DCLRE1A: variants seen among roughly 807,000 people sequenced by gnomAD.
DCLRE1A encodes the protein DNA cross-link repair 1A.
In DCLRE1A, 64 loss-of-function variants were observed where a neutral mutation model predicts 91.9. The ratio of observed to expected loss-of-function variants is 0.70; its 90% CI spans 0.57 to 0.86. DCLRE1A has a LOEUF of 0.86. Among genes scored for constraint, DCLRE1A ranks in the 40% least tolerant of loss-of-function variants. DCLRE1A has a pLI of 0.00. For missense variants in DCLRE1A, 1,145 were observed against 1,213.3 expected, an observed-to-expected ratio of 0.94 and a Z score of 0.84; for synonymous variants, 416 against 431.1, an observed-to-expected ratio of 0.96 and a Z score of 0.43.
In DCLRE1A at chr10:113,835,146, G is replaced by A. The variant is rs1593067988; in HGVS notation, c.*6C>T. ...CTTAACTACTACTGAATCCTCGGAGGTATCATCAATATCCAGCTTCCAATT... is the reference window on the plus strand; with the variant it reads ...CTTAACTACTACTGAATCCTCGGAGATATCATCAATATCCAGCTTCCAATT... On this transcript the variant is annotated 3_prime_UTR_variant, in exon 9 of 9. Coordinates refer to ENST00000361384, the MANE Select transcript of DCLRE1A (RefSeq NM_014881.5). 3.7e-6 allele frequency: 6 copies of A among 1,612,138 alleles called. No individual in the cohort carries two copies. The highest frequency in any genetic ancestry group is 1.7e-4 in the Middle Eastern group (1 of 6,054).
At chr10:113,837,975 T>C (rs1845389119) in intron 7 of DCLRE1A, among the ~76,000 whole-genome samples, 2 of 152,156 alleles carry the variant, frequency 1.3e-5, no homozygotes, top group Admixed American at 6.5e-5. Context: ...AATCCATAGT[T>C]TCAAAGACTT....
At chr10:113,836,565 A>G (rs1845365872) in intron 8 of DCLRE1A, among the ~76,000 whole-genome samples, 1 of 152,146 alleles carries the variant, frequency 6.6e-6, no homozygotes, top group Non-Finnish European at 1.5e-5. Context: ...TATTTTCAGT[A>G]TACTAGGGTC....
chr10:113,846,530 A>G lies in DCLRE1A; in HGVS notation c.2259+672T>C, dbSNP rs372353230. The stretch of plus-strand genomic sequence containing the variant: ...GGAGTACTACTTCTATTATGATACC[A>G]ATCCCAATATGGCATTATTTATGAA... On this transcript the variant is annotated intron_variant, in intron 3 of 8. Transcript: ENST00000361384. Among the ~76,000 whole-genome samples, 358 of 152,198 alleles carry G rather than the reference A, an allele frequency of 2.4e-3. 1 individual carries two copies. Among genetic ancestry groups the G allele is most frequent in the African/African-American group, 7.9e-3 (326 of 41,504 alleles).
At position 113,849,881 on chromosome 10, in the gene DCLRE1A, C is replaced by A; in HGVS notation, c.1224G>T (p.Val408=). Residue 408 remains valine (V), a synonymous_variant, in exon 2 of 9, where the codon GTG becomes GTT. Coordinates refer to ENST00000361384, the MANE Select transcript of DCLRE1A (RefSeq NM_014881.5). ...TCCCTGCCAATGCAGGTGGAAACAA[C>A]ACAAAATCACCACCAGTACATGCCA... is the stretch of plus-strand genomic sequence containing the variant. The part of the protein sequence containing the change: ...YDLACTGGDF[V]LFPPALAGKL... 1 of 1,613,964 alleles carries A rather than the reference C, an allele frequency of 6.2e-7. No individual in the cohort carries two copies. Among genetic ancestry groups the A allele is most frequent in the Non-Finnish European group, 8.5e-7 (1 of 1,180,020 alleles).
intron 4 of DCLRE1A, 118 bp from the exon 5 acceptor site, chr10:113,844,362 G>T: frequency 7.8e-7 from 1 of 1,288,130 alleles, no homozygotes; most frequent in Non-Finnish European, 1.0e-6. Flanking sequence ...ACATAGCATT[G>T]CACTACAGGA....
chr10:113,848,278 C>G (rs1302448858), intron 2 of DCLRE1A, among the ~76,000 whole-genome samples: 1 of 152,092 alleles, frequency 6.6e-6, no homozygotes, highest in East Asian at 1.9e-4. Flanking sequence ...GATCGCGCCA[C>G]TGCACTCCAG....
chr10:113,847,131 T>C, intron 3 of DCLRE1A, 71 bp downstream of exon 3: 1 of 1,375,848 alleles, frequency 7.3e-7, no homozygotes, highest in East Asian at 2.4e-5. Context: ...GTTTAATTAT[T>C]ATTTTTTAAC....
chr10:113,836,996 T>A lies in DCLRE1A; in HGVS notation c.2962+66A>T, dbSNP rs1371778792. The A allele has an allele frequency of 2.2e-6, 3 of 1,391,176 alleles. No individual in the cohort carries two copies. In the African/African-American group the frequency reaches 4.4e-5, roughly 20 times the overall value. 86.2% of individuals were successfully genotyped at this position (1,391,176 alleles called of 1,614,324 possible). ...TGTTTTTGTTGGATTTGAACCTTAT[T>A]ACATTTTTTAAAATGTAATTATAAA... On this transcript the variant is annotated intron_variant, in intron 8 of 8. Coordinates refer to ENST00000361384, the MANE Select transcript of DCLRE1A (RefSeq NM_014881.5).
chr10:113,841,322 G>T, intron 7 of DCLRE1A, 84 bp downstream of exon 7: 1 of 1,480,554 alleles, frequency 6.8e-7, no homozygotes, highest in Non-Finnish European at 9.1e-7. Context: ...TATTATAATT[G>T]AATTCCTCTA....
chr10:113,850,577 C>T lies in DCLRE1A; in HGVS notation c.528G>A (p.Leu176=), dbSNP rs758418689. 38 of 1,613,898 alleles carry T rather than the reference C, an allele frequency of 2.4e-5. 1 individual carries two copies. The South Asian group carries it at 4.2e-4, about 18-fold the overall frequency. ...PFHYKRYTHF[L]LAQSRAGDHP... is the part of the protein sequence containing the mutation. ...GATCACCAGCCCTGCTTTGAGCTAG[C>T]AGGAAGTGAGTGTATCTCTTGTAAT... is the stretch of plus-strand genomic sequence containing the variant. The change falls in exon 2 of 9, where the codon CTG becomes CTA. Residue 176 remains leucine, a synonymous_variant. Coordinates refer to ENST00000361384, the MANE Select transcript of DCLRE1A (RefSeq NM_014881.5).
chr10:113,841,620 G>C lies in DCLRE1A; in HGVS notation c.2666-60C>G. On this transcript the variant is annotated intron_variant, in intron 6 of 8. Coordinates refer to ENST00000361384, the MANE Select transcript of DCLRE1A (RefSeq NM_014881.5). ...TTACAGCTTGTGAAAAAAAGTTACA[G>C]CTTAAGCAAATTTTAAGGTAAGAAT... 4.0e-6 allele frequency: 6 copies of C among 1,500,602 alleles called. 1 individual carries two copies. Among genetic ancestry groups the C allele is most frequent in the Admixed American group, 2.4e-5 (1 of 41,060 alleles). 93.0% of individuals were successfully genotyped at this position (1,500,602 alleles called of 1,614,324 possible).
rs10527278 is a variant in DCLRE1A, at chr10:113,843,023, T to TAC, written c.2520-537_2520-536dup. Among the ~76,000 whole-genome samples the TAC allele has an allele frequency of 3.0e-3, 433 of 145,974 alleles. 2 individuals carry two copies. The highest frequency in any genetic ancestry group is 0.011 in the East Asian group (56 of 4,958). ...CTATGTGTATATATATGTACATGTG[T>TAC]ACACACACACACACACACACACACA... On this transcript the variant is annotated intron_variant, in intron 5 of 8. Coordinates refer to ENST00000361384, the MANE Select transcript of DCLRE1A (RefSeq NM_014881.5).
At position 113,849,311 on chromosome 10, in the gene DCLRE1A, C is replaced by G. The variant is rs1386886657; in HGVS notation, c.1794G>C (p.Gln598His). Residue 598 changes from glutamine (Q) to histidine (H), a missense_variant, in exon 2 of 9, where the codon CAG (glutamine) becomes CAC (histidine). Transcript: ENST00000361384. Reference protein sequence around the residue: ...VPSPNQKRSSQCKRKAEKSLS... With the variant: ...VPSPNQKRSSHCKRKAEKSLS... The stretch of plus-strand genomic sequence containing the variant: ...AAGATTTTTCTGCTTTCCTCTTGCA[C>G]TGCGAGGACCTCTTTTGATTAGGAC... 6.2e-7 allele frequency: 1 copy of G among 1,614,174 alleles called. No individual in the cohort carries two copies. Among genetic ancestry groups the G allele is most frequent in the Non-Finnish European group, 8.5e-7 (1 of 1,180,028 alleles).
intron 2 of DCLRE1A, among the ~76,000 whole-genome samples, chr10:113,847,838 A>G (rs1845564264): frequency 6.6e-6 from 1 of 152,208 alleles, no homozygotes. Flanking sequence ...GAAACAAGAA[A>G]AAAAAATGCC....
In DCLRE1A at chr10:113,850,009, A is replaced by AG; in HGVS notation, c.1095dup (p.Thr367AsnfsTer4). On this transcript the variant is annotated frameshift_variant, in exon 2 of 9. Coordinates refer to ENST00000361384, the MANE Select transcript of DCLRE1A (RefSeq NM_014881.5). LOFTEE classifies it high-confidence loss of function. ...CCTTCATCATACTTATCCCGAGTTA[A>AG]GAAGCTGTTCACTTTGGGGCAGCTC... 1 of 1,614,218 alleles carries AG rather than the reference A, an allele frequency of 6.2e-7. No homozygotes were observed. The highest frequency in any genetic ancestry group is 1.1e-5 in the South Asian group (1 of 91,088).
At chr10:113,835,791 C>T (rs999866165) in intron 8 of DCLRE1A, among the ~76,000 whole-genome samples, 3 of 152,056 alleles carry the variant, frequency 2.0e-5, no homozygotes, top group Admixed American at 2.0e-4. Context: ...AAAAATTAGC[C>T]AGGCGTGGTG....
rs779246380 is a variant in DCLRE1A at position 113,847,184 on chromosome 10, T to TA, written c.2259+17dup. 1 of 1,578,078 alleles carries TA rather than the reference T, an allele frequency of 6.3e-7. No homozygotes were observed. The highest frequency in any genetic ancestry group is 8.6e-7 in the Non-Finnish European group (1 of 1,157,654). On this transcript the variant is annotated intron_variant, in intron 3 of 8. Coordinates refer to ENST00000361384, the MANE Select transcript of DCLRE1A (RefSeq NM_014881.5). ...CACAGCATTCTACAAAGTCAAAAGT[T>TA]AGAATACTAAAACTTACCTCACTAC...
intron 8 of DCLRE1A, 128 bp from the exon 9 acceptor site, chr10:113,835,440 G>A: frequency 1.1e-6 from 1 of 892,788 alleles, no homozygotes; most frequent in Non-Finnish European, 1.6e-6. Flanking sequence ...AAACCCCTCA[G>A]TGCTTTAGTT....
chr10:113,849,157 G>A lies in DCLRE1A; in HGVS notation c.1948C>T (p.Gln650Ter). 2 of 1,614,024 alleles carry A rather than the reference G, an allele frequency of 1.2e-6. No homozygotes were observed. The highest frequency in any genetic ancestry group is 2.2e-5 in the South Asian group (2 of 91,064). Residue 650 changes from glutamine to a stop codon, truncating the protein, a stop_gained, in exon 2 of 9, where the codon CAG becomes TAG. Coordinates refer to ENST00000361384, the MANE Select transcript of DCLRE1A (RefSeq NM_014881.5). LOFTEE classifies it high-confidence loss of function. ...KSNSLQEGAC[Q>*]KRSDHLINTE... The stretch of plus-strand genomic sequence containing the variant: ...TTAATAAGGTGATCTGATCTCTTCT[G>A]ACACGCTCCTTCCTGCAGTGAATTT...
Sources: gnomAD v4.1 joint callset for allele counts (sites outside exome capture counted in the v4.1 genomes callset) on GRCh38, gnomAD v4.1.1 for gene constraint, MANE v1.5 for transcripts, NCBI Gene and HGNC (gene_info 2026-07-23, HGNC 2026-07-21) for gene names.